DEPDC7: variants seen among roughly 807,000 people sequenced by gnomAD.
The protein encoded by DEPDC7 is DEP domain-containing protein 7.
DEPDC7 carries 41 observed loss-of-function variants against 56.6 expected under a neutral mutation model. That is an observed-to-expected ratio of 0.72 (90% CI 0.56 to 0.94). DEPDC7 has a LOEUF of 0.94. Among genes scored for constraint, DEPDC7 ranks in the 40% least tolerant of loss-of-function variants. The pLI is 0.00. For missense variants in DEPDC7, 522 were observed against 596.3 expected (o/e 0.88, Z 1.30); for synonymous variants, 185 against 208.8 (o/e 0.89, Z 0.98).
intron 1 of DEPDC7, chr11:33,016,416 GTC>G: frequency 3.9e-6 from 6 of 1,535,916 alleles, no homozygotes; most frequent in Non-Finnish European, 5.2e-6. Flanking sequence ...TTTGCCCCCT[GTC>G]TCAACCACAA....
rs199502210 is a variant in DEPDC7, at chr11:33,033,407, A to G, written c.1488A>G (p.Gln496=). The G allele has an allele frequency of 1.4e-5, 23 of 1,610,202 alleles. No individual in the cohort carries two copies. Among genetic ancestry groups the G allele is most frequent in the Middle Eastern group, 1.7e-4 (1 of 6,044 alleles). Reference sequence around the variant, plus strand: ...AAGAGAAGAAAAAATTGCTAGGTCAATTCTATAAGTGTCACCCAGACATCT... The same window carrying G: ...AAGAGAAGAAAAAATTGCTAGGTCAGTTCTATAAGTGTCACCCAGACATCT... The part of the protein sequence containing the change: ...SAKEKKKLLG[Q]FYKCHPDIFI... Residue 496 remains glutamine (Q), a synonymous_variant, in exon 9 of 9, where the codon CAA becomes CAG. Coordinates refer to ENST00000241051, the MANE Select transcript of DEPDC7 (RefSeq NM_001077242.2).
intron 1 of DEPDC7, among the ~76,000 whole-genome samples, chr11:33,019,717 A>G (rs1279761138): frequency 6.6e-6 from 1 of 152,220 alleles, no homozygotes. Flanking sequence ...TTAACAACTA[A>G]CAAATATTGA....
At chr11:33,019,003 A>G (rs998649632) in intron 1 of DEPDC7, among the ~76,000 whole-genome samples, 1 of 152,236 alleles carries the variant, frequency 6.6e-6, no homozygotes, top group African/African-American at 2.4e-5. Context: ...AAAGTTAGGC[A>G]GTTTGCCCAA....
chr11:33,016,490 C>T (rs748837645), intron 1 of DEPDC7: 1 of 1,612,002 alleles, frequency 6.2e-7, no homozygotes, highest in South Asian at 1.1e-5. Flanking sequence ...GTTCTCCAGA[C>T]TGCTAGGAGT....
rs888201964 is a variant in DEPDC7, at chr11:33,032,405, G to A, written c.1064G>A (p.Arg355Lys). The A allele has an allele frequency of 2.5e-6, 4 of 1,580,204 alleles. No individual in the cohort carries two copies. In the African/African-American group the frequency reaches 5.5e-5, roughly 22 times the overall value. ...CTAAAGCTTTTAGATTTCCAAAATAGAGAAGAATTTAGAAGACTACTGTAT... is the reference window on the plus strand; with the variant it reads ...CTAAAGCTTTTAGATTTCCAAAATAAAGAAGAATTTAGAAGACTACTGTAT... ...LLLKLLDFQN[R>K]EEFRRLLYFM... The change falls in exon 6 of 9, where the codon AGA becomes AAA. Residue 355 changes from arginine (R) to lysine (K), a missense_variant. By Grantham distance (26) the Arg-to-Lys change is conservative. Transcript: ENST00000241051.
At chr11:33,027,907 T>C (rs1258391124) in intron 3 of DEPDC7, 94 bp downstream of exon 3, 2 of 1,292,750 alleles carry the variant, frequency 1.5e-6, no homozygotes, top group Non-Finnish European at 2.1e-6. Flanking sequence ...TTTTAAATAT[T>C]CAAAGTACAG....
intron 2 of DEPDC7, 174 bp downstream of exon 2, chr11:33,026,223 C>G (rs1853576970): frequency 3.0e-6 from 2 of 656,080 alleles, no homozygotes; most frequent in Non-Finnish European, 5.2e-6. Context: ...TTGGGTGTCT[C>G]CTAGTCATAT....
In DEPDC7 at chr11:33,019,672, G is replaced by GA. The variant is rs1393977184; in HGVS notation, c.73+3652dup. Among the ~76,000 whole-genome samples the GA allele has an allele frequency of 7.3e-5, 11 of 151,328 alleles. No homozygotes were observed. The East Asian group carries it at 9.7e-4, about 13-fold the overall frequency. On this transcript the variant is annotated intron_variant, in intron 1 of 8. Transcript: ENST00000241051. ...CAAAGTGAGACTCTGTCTCAAAAAA[G>GA]AAAAAAAAGTAAGTTTTTTAGTAGT... is the stretch of plus-strand genomic sequence containing the variant.
At chr11:33,028,238 T>C (rs3802788) in intron 3 of DEPDC7, 1 of 201,946 alleles carries the variant, frequency 5.0e-6, no homozygotes, top group African/African-American at 2.3e-5. Context: ...CCCATTCCAG[T>C]TGTGGAAACC....
Position 33,032,905 on chromosome 11 carries a change from A to G in DEPDC7, c.1280A>G (p.His427Arg). 6.2e-7 allele frequency: 1 copy of G among 1,604,304 alleles called. No individual in the cohort carries two copies. The highest frequency in any genetic ancestry group is 8.5e-7 in the Non-Finnish European group (1 of 1,176,228). ...KDVFKIPGTL[H>R]KIVSVKLMAI... The stretch of plus-strand genomic sequence containing the variant: ...TTTCTTAAGATTCCTGGAACTCTAC[A>G]TAAAATTGTAAGTGTTAAGCTTATG... The change falls in exon 8 of 9, where the codon CAT (histidine) becomes CGT (arginine). Residue 427 changes from histidine to arginine, a missense_variant. Transcript: ENST00000241051.
At chr11:33,016,577 G>T in intron 1 of DEPDC7, 1 of 1,614,102 alleles carries the variant, frequency 6.2e-7, no homozygotes, top group Non-Finnish European at 8.5e-7. Flanking sequence ...CAGGAATTTG[G>T]CATAAAAGGT....
chr11:33,020,849 T>G (rs1347068216), intron 1 of DEPDC7, among the ~76,000 whole-genome samples: 3 of 152,242 alleles, frequency 2.0e-5, no homozygotes, highest in East Asian at 1.9e-4. Context: ...GTTCAACTAT[T>G]TTATCAGTAG....
chr11:33,020,392 A>G (rs1258810185), intron 1 of DEPDC7, among the ~76,000 whole-genome samples: 2 of 152,222 alleles, frequency 1.3e-5, no homozygotes, highest in East Asian at 3.8e-4. Flanking sequence ...TTTTCAAGCA[A>G]ATAAGGATGA....
chr11:33,028,440 C>G, intron 3 of DEPDC7, 163 bp from the exon 4 acceptor site: 1 of 544,712 alleles, frequency 1.8e-6, no homozygotes, highest in Non-Finnish European at 3.2e-6. Flanking sequence ...CTAAACAAAT[C>G]TTGGATTGTT....
chr11:33,027,561 A>G, intron 2 of DEPDC7, 125 bp from the exon 3 acceptor site: 2 of 740,290 alleles, frequency 2.7e-6, no homozygotes, highest in Non-Finnish European at 3.9e-6. Context: ...TTCTACTCTT[A>G]GAATTTGGAT....
At chr11:33,031,699 G>C in intron 5 of DEPDC7, 110 bp downstream of exon 5, 1 of 834,712 alleles carries the variant, frequency 1.2e-6, no homozygotes, top group Non-Finnish European at 1.9e-6. Context: ...AGTGGATCTG[G>C]ATTAATTCAT....
chr11:33,015,995 T>G lies in DEPDC7; in HGVS notation c.40T>G (p.Ser14Ala). ...VQEKAAALNL[S>A]ALHSPAHRPP... ...GGAGAAGGCTGCTGCGCTGAACCTC[T>G]CGGCTCTCCACAGCCCCGCGCACAG... The change falls in exon 1 of 9, where the codon TCG (serine) becomes GCG (alanine). Residue 14 changes from serine (S) to alanine (A), a missense_variant. Transcript: ENST00000241051. 6.4e-7 allele frequency: 1 copy of G among 1,572,248 alleles called. No homozygotes were observed. The highest frequency in any genetic ancestry group is 8.6e-7 in the Non-Finnish European group (1 of 1,159,940).
chr11:33,033,052 C>T, intron 8 of DEPDC7, 85 bp downstream of exon 8: 2 of 1,129,854 alleles, frequency 1.8e-6, no homozygotes. Flanking sequence ...AGTAGTTGGA[C>T]TTTAATTTCA....
At chr11:33,024,442 G>T (rs1479511632) in intron 1 of DEPDC7, among the ~76,000 whole-genome samples, 1 of 152,170 alleles carries the variant, frequency 6.6e-6, no homozygotes, top group Non-Finnish European at 1.5e-5. Context: ...GTATGTGTGT[G>T]TGTGTGTATA....
Sources: allele counts gnomAD v4.1 joint callset (sites outside exome capture counted in the v4.1 genomes callset), GRCh38; gene constraint gnomAD v4.1.1; transcripts MANE v1.5; gene names NCBI Gene and HGNC (gene_info 2026-07-23, HGNC 2026-07-21).